The following NTM variants were observed in gnomAD, a reference collection of about 807,000 sequenced individuals.
The protein encoded by NTM is neurotrimin.
A neutral mutation model predicts 42.1 loss-of-function variants in NTM; 13 were observed. The observed-to-expected ratio is 0.31, with a 90% CI of 0.20 to 0.49. NTM has a LOEUF of 0.49. Among genes scored for constraint, NTM ranks in the 20% least tolerant of loss-of-function variants. The pLI is 0.99. For synonymous variants in NTM, 187 were observed against 179.2 expected (o/e 1.04, Z -0.35); for missense variants, 373 against 452.8 (o/e 0.82, Z 1.60).
intron 1 of NTM, among the ~76,000 whole-genome samples, chr11:131,869,219 C>T (rs1238939871): frequency 6.6e-6 from 1 of 152,176 alleles, no homozygotes; most frequent in Non-Finnish European, 1.5e-5. Flanking sequence ...ATCTCCCGGG[C>T]CCTCTCCCTT....
intron 3 of NTM, among the ~76,000 whole-genome samples, chr11:132,183,611 A>G (rs1030088998): frequency 7.2e-5 from 11 of 151,922 alleles, no homozygotes; most frequent in Non-Finnish European, 1.3e-4. Context: ...CTTTGACAAC[A>G]CAAGTGTCAT....
In NTM at chr11:132,001,014, G is replaced by A. The variant is rs373645461; in HGVS notation, c.167+89366G>A. ...GCGTGGTATGTGTGTAGCATTCATAGTCATCTGCCAAAGAAGAATAGGTGG... is the reference window on the plus strand; with the variant it reads ...GCGTGGTATGTGTGTAGCATTCATAATCATCTGCCAAAGAAGAATAGGTGG... On this transcript the variant is annotated intron_variant, in intron 2 of 8. Transcript: ENST00000683400. Among the ~76,000 whole-genome samples the A allele has an allele frequency of 2.2e-4, 33 of 152,296 alleles. 1 individual carries two copies. Among genetic ancestry groups the A allele is most frequent in the African/African-American group, 7.9e-4 (33 of 41,572 alleles).
At chr11:131,489,078 T>G (rs997608037) in intron 1 of NTM, among the ~76,000 whole-genome samples, 1 of 152,188 alleles carries the variant, frequency 6.6e-6, no homozygotes, top group Non-Finnish European at 1.5e-5. Flanking sequence ...AAGCCAGAGA[T>G]CCAGCAGGTG....
chr11:132,119,570 A>G (rs1273853698), intron 2 of NTM, among the ~76,000 whole-genome samples: 1 of 152,226 alleles, frequency 6.6e-6, no homozygotes, highest in Non-Finnish European at 1.5e-5. Flanking sequence ...TTCAATCAGG[A>G]CGGGAAGCAG....
chr11:132,208,752 G>A (rs1016190926), intron 3 of NTM, among the ~76,000 whole-genome samples: 15 of 152,156 alleles, frequency 9.9e-5, no homozygotes, highest in African/African-American at 3.4e-4. Context: ...CACTTAAAAT[G>A]TACTTTAAGC....
chr11:131,838,918 A>T (rs2043861456), intron 1 of NTM, among the ~76,000 whole-genome samples: 1 of 152,046 alleles, frequency 6.6e-6, no homozygotes, highest in Non-Finnish European at 1.5e-5. Context: ...TTCTCAAGGG[A>T]AGAGTGGACA....
At chr11:132,034,245 A>G (rs997047860) in intron 2 of NTM, among the ~76,000 whole-genome samples, 7 of 152,156 alleles carry the variant, frequency 4.6e-5, no homozygotes, top group Non-Finnish European at 1.0e-4. Flanking sequence ...CATAGTTTAT[A>G]TTCCTTCTGT....
intron 1 of NTM, among the ~76,000 whole-genome samples, chr11:131,680,242 A>G (rs2072206900): frequency 6.6e-6 from 1 of 152,232 alleles, no homozygotes; most frequent in Admixed American, 6.5e-5. Flanking sequence ...GATTTTACCA[A>G]AATGAATCGG....
intron 1 of NTM, among the ~76,000 whole-genome samples, chr11:131,551,904 G>T (rs2054714403): frequency 6.6e-6 from 1 of 152,132 alleles, no homozygotes; most frequent in Non-Finnish European, 1.5e-5. Context: ...CACTGGGCAT[G>T]GCAGAAAAGA....
chr11:131,512,153 G>A (rs1277271160), intron 1 of NTM, among the ~76,000 whole-genome samples: 1 of 152,172 alleles, frequency 6.6e-6, no homozygotes, highest in Non-Finnish European at 1.5e-5. Context: ...CATGGACCAT[G>A]AGCCTTGGGG....
intron 7 of NTM, among the ~76,000 whole-genome samples, chr11:132,322,362 A>G (rs1450732074): frequency 1.3e-5 from 2 of 150,496 alleles, no homozygotes; most frequent in Non-Finnish European, 3.0e-5. Context: ...AAAGAAAAAA[A>G]GGCAGGGGTT....
intron 2 of NTM, among the ~76,000 whole-genome samples, chr11:132,129,561 G>GTCT (rs1185150489): frequency 6.6e-6 from 1 of 152,160 alleles, no homozygotes; most frequent in South Asian, 2.1e-4. Flanking sequence ...ACCTCAGGTG[G>GTCT]GTTTTTCATG....
chr11:131,715,751 C>T (rs2077628297), intron 1 of NTM, among the ~76,000 whole-genome samples: 1 of 152,178 alleles, frequency 6.6e-6, no homozygotes, highest in African/African-American at 2.4e-5. Context: ...TGGAATCACA[C>T]AATATGTACT....
chr11:131,929,544 C>T (rs550111350), intron 2 of NTM, among the ~76,000 whole-genome samples: 1 of 151,490 alleles, frequency 6.6e-6, no homozygotes, highest in Non-Finnish European at 1.5e-5. Flanking sequence ...ATTTTCTTTG[C>T]GTTTTTGTGT....
At chr11:131,994,677 C>A (rs1189613658) in intron 2 of NTM, among the ~76,000 whole-genome samples, 1 of 152,114 alleles carries the variant, frequency 6.6e-6, no homozygotes, top group Non-Finnish European at 1.5e-5. Context: ...ACACCTAGGA[C>A]TATTTCATCC....
intron 3 of NTM, among the ~76,000 whole-genome samples, chr11:132,176,730 T>G (rs1331674898): frequency 7.8e-5 from 11 of 140,932 alleles, no homozygotes; most frequent in African/African-American, 2.6e-4. Flanking sequence ...AAGTTTTTTT[T>G]TTTTTTTTTT....
intron 1 of NTM, among the ~76,000 whole-genome samples, chr11:131,853,024 C>A (rs749717077): frequency 6.6e-6 from 1 of 151,354 alleles, no homozygotes; most frequent in African/African-American, 2.4e-5. Flanking sequence ...TATTCTCCCA[C>A]GCACCCATCC....
chr11:132,115,240 C>T (rs1169882945), intron 2 of NTM, among the ~76,000 whole-genome samples: 1 of 152,022 alleles, frequency 6.6e-6, no homozygotes, highest in African/African-American at 2.4e-5. Flanking sequence ...TTGGTGACTG[C>T]AGTTAACAGT....
At chr11:131,821,050 A>G (rs1418839898) in intron 1 of NTM, among the ~76,000 whole-genome samples, 1 of 151,858 alleles carries the variant, frequency 6.6e-6, no homozygotes, top group Non-Finnish European at 1.5e-5. Flanking sequence ...TAATTATGTA[A>G]TAAGATGAAA....
Sources: allele counts gnomAD v4.1 joint callset (sites outside exome capture counted in the v4.1 genomes callset), GRCh38; gene constraint gnomAD v4.1.1; transcripts MANE v1.5; gene names NCBI Gene and HGNC (gene_info 2026-07-23, HGNC 2026-07-21).